ARL15: variants seen among roughly 807,000 people sequenced by gnomAD.
The protein encoded by ARL15 is ADP-ribosylation factor-like protein 15.
In ARL15, 19 loss-of-function variants were observed where a neutral mutation model predicts 25.2. That is an observed-to-expected ratio of 0.75 (90% CI 0.53 to 1.10). ARL15 has a LOEUF of 1.10. Among genes scored for constraint, ARL15 ranks in the 50% least tolerant of loss-of-function variants. ARL15 has a pLI of 0.00. For missense variants in ARL15, 220 were observed against 246.0 expected (o/e 0.89, Z 0.71); for synonymous variants, 94 against 86.8 (o/e 1.08, Z -0.46).
intron 4 of ARL15, among the ~76,000 whole-genome samples, chr5:53,978,799 C>G (rs568984256): frequency 1.4e-4 from 22 of 152,076 alleles, no homozygotes; most frequent in African/African-American, 5.1e-4. Flanking sequence ...TAAAAGGCCA[C>G]TTAAATAGTG....
intron 4 of ARL15, among the ~76,000 whole-genome samples, chr5:54,039,846 A>AATG (rs934504467): frequency 3.3e-5 from 5 of 151,794 alleles, no homozygotes; most frequent in African/African-American, 1.2e-4. Flanking sequence ...TAAATTAATA[A>AATG]ATGCAGCTAG....
chr5:54,092,234 C>G (rs986183015), intron 4 of ARL15, among the ~76,000 whole-genome samples: 5 of 152,144 alleles, frequency 3.3e-5, no homozygotes, highest in African/African-American at 1.2e-4. Flanking sequence ...CTTCTGGCAT[C>G]TGGCTTTAGA....
chr5:54,200,323 A>G (rs1395479244), intron 1 of ARL15, among the ~76,000 whole-genome samples: 3 of 151,112 alleles, frequency 2.0e-5, no homozygotes, highest in Non-Finnish European at 4.4e-5. Context: ...AAAAAAAGAA[A>G]AAAATAAATA....
Position 53,900,158 on chromosome 5 carries a change from TG to T in ARL15, c.463-13446del, listed in dbSNP as rs1745017678. 3.3e-5 allele frequency among the ~76,000 whole-genome samples: 5 copies of T among 152,348 alleles called. 1 individual carries two copies. Among genetic ancestry groups the T allele is most frequent in the African/African-American group, 1.2e-4 (5 of 41,572 alleles). On this transcript the variant is annotated intron_variant, in intron 4 of 4. Transcript: ENST00000504924. ...ATATCCCCTGCTAGTGTGTGCCCAC[TG>T]GATTCAGAGGTTCATAAGGTAATCA...
intron 4 of ARL15, among the ~76,000 whole-genome samples, chr5:54,071,979 G>GAAAAAAAAAAAAAAAAA (rs71989027): frequency 1.9e-4 from 24 of 126,170 alleles, no homozygotes; most frequent in African/African-American, 3.7e-4. Context: ...CTCAAAAAAA[G>GAAAAAAAAAAAAAAAAA]AAAAAAAAAA....
intron 1 of ARL15, among the ~76,000 whole-genome samples, chr5:54,309,103 A>G (rs1010104277): frequency 6.6e-6 from 1 of 152,254 alleles, no homozygotes; most frequent in Admixed American, 6.5e-5. Context: ...TCATAATCAG[A>G]TAATCCCCGT....
At chr5:54,132,545 A>G (rs1753469847) in intron 3 of ARL15, among the ~76,000 whole-genome samples, 1 of 152,204 alleles carries the variant, frequency 6.6e-6, no homozygotes, top group Admixed American at 6.5e-5. Flanking sequence ...GTTATTTAAA[A>G]AATATAAACT....
chr5:54,286,970 T>A (rs57068879), intron 1 of ARL15, among the ~76,000 whole-genome samples: 25,770 of 151,330 alleles, frequency 0.17, 2,297 homozygotes, highest in Middle Eastern at 0.28. Context: ...CTGTCCAGGA[T>A]TGCCTCAAGC....
chr5:53,961,913 A>G (rs1017714148), intron 4 of ARL15, among the ~76,000 whole-genome samples: 1 of 152,156 alleles, frequency 6.6e-6, no homozygotes, highest in African/African-American at 2.4e-5. Flanking sequence ...ATAGCAGCAC[A>G]TATTTTTTCA....
At chr5:54,056,567 C>A (rs1750875952) in intron 4 of ARL15, among the ~76,000 whole-genome samples, 3 of 150,268 alleles carry the variant, frequency 2.0e-5, no homozygotes, top group Non-Finnish European at 4.4e-5. Flanking sequence ...GAGGCAGAGG[C>A]TGCAGTGAGC....
intron 4 of ARL15, among the ~76,000 whole-genome samples, chr5:54,009,776 C>G (rs532740787): frequency 2.0e-4 from 30 of 152,286 alleles, no homozygotes; most frequent in African/African-American, 7.2e-4. Flanking sequence ...GCAACAGAGC[C>G]AATCCTCAGT....
chr5:54,019,926 T>C (rs1749542031), intron 4 of ARL15, among the ~76,000 whole-genome samples: 1 of 152,198 alleles, frequency 6.6e-6, no homozygotes, highest in Non-Finnish European at 1.5e-5. Flanking sequence ...ACTTTGCAAT[T>C]ATTCTCTTCT....
chr5:54,139,238 C>T (rs1297087631), intron 3 of ARL15, among the ~76,000 whole-genome samples: 1 of 152,122 alleles, frequency 6.6e-6, no homozygotes, highest in Non-Finnish European at 1.5e-5. Flanking sequence ...GCACAATCCA[C>T]AACTGCAAAG....
At chr5:54,293,545 T>C (rs1239851949) in intron 1 of ARL15, among the ~76,000 whole-genome samples, 3 of 152,226 alleles carry the variant, frequency 2.0e-5, no homozygotes, top group African/African-American at 7.2e-5. Flanking sequence ...TGAAGAGAGA[T>C]TGGCTGATAC....
intron 4 of ARL15, among the ~76,000 whole-genome samples, chr5:53,902,525 AAAC>A (rs1198725024): frequency 6.6e-6 from 1 of 152,218 alleles, no homozygotes; most frequent in African/African-American, 2.4e-5. Context: ...GGGTATGAAA[AAAC>A]AACAGCAGTA....
intron 3 of ARL15, among the ~76,000 whole-genome samples, chr5:54,116,874 G>C (rs1752914959): frequency 6.6e-6 from 1 of 152,052 alleles, no homozygotes; most frequent in Admixed American, 6.5e-5. Flanking sequence ...GGACTAAAAA[G>C]GCAATGAGGC....
chr5:54,173,812 C>G (rs1205275673), intron 1 of ARL15, among the ~76,000 whole-genome samples: 3 of 152,124 alleles, frequency 2.0e-5, no homozygotes, highest in African/African-American at 7.2e-5. Context: ...ACCCCACACT[C>G]CATGATCTGC....
intron 1 of ARL15, among the ~76,000 whole-genome samples, chr5:54,224,846 G>C (rs1225840320): frequency 6.6e-6 from 1 of 152,200 alleles, no homozygotes; most frequent in Non-Finnish European, 1.5e-5. Flanking sequence ...GGAACAGGCA[G>C]TATCACAAAT....
chr5:54,052,375 C>T (rs1232424013), intron 4 of ARL15, among the ~76,000 whole-genome samples: 3 of 152,132 alleles, frequency 2.0e-5, no homozygotes, highest in African/African-American at 7.2e-5. Context: ...CATACAACAA[C>T]TTCCCAGAAA....
Sources: allele counts gnomAD v4.1 joint callset (sites outside exome capture counted in the v4.1 genomes callset), GRCh38; gene constraint gnomAD v4.1.1; transcripts MANE v1.5; gene names NCBI Gene and HGNC (gene_info 2026-07-23, HGNC 2026-07-21).